Variants in TNIP3 observed in about 807,000 individuals in gnomAD.
TNIP3 encodes the protein TNFAIP3-interacting protein 3.
TNIP3 carries 34 observed loss-of-function variants against 54.1 expected under a neutral mutation model. The ratio of observed to expected loss-of-function variants is 0.63; its 90% CI spans 0.48 to 0.84. TNIP3 has a LOEUF of 0.84. Among genes scored for constraint, TNIP3 ranks in the 40% least tolerant of loss-of-function variants. The pLI is 0.00. For missense variants in TNIP3, 366 were observed against 387.6 expected, an observed-to-expected ratio of 0.94 and a Z score of 0.47; for synonymous variants, 134 against 136.8, an observed-to-expected ratio of 0.98 and a Z score of 0.14.
chr4:121,137,989 A>T (rs1270152229), intron 10 of TNIP3: 1 of 456,204 alleles, frequency 2.2e-6, no homozygotes, highest in Non-Finnish European at 4.4e-6. Context: ...AGACCATAGA[A>T]ACAAGCAGTA....
intron 2 of TNIP3, among the ~76,000 whole-genome samples, chr4:121,193,982 A>C (rs1172062710): frequency 7.9e-5 from 12 of 152,174 alleles, no homozygotes; most frequent in Admixed American, 7.9e-4. Context: ...CCCAGATTGT[A>C]AGAGAATAAA....
chr4:121,142,420 T>C (rs902967086), intron 8 of TNIP3, among the ~76,000 whole-genome samples: 6 of 152,304 alleles, frequency 3.9e-5, no homozygotes, highest in South Asian at 2.1e-4. Flanking sequence ...TTTTCTACTG[T>C]TAATTGTGTC....
chr4:121,221,910 TTTC>T (rs1560702057), intron 1 of TNIP3, among the ~76,000 whole-genome samples: 1 of 152,176 alleles, frequency 6.6e-6, no homozygotes, highest in Non-Finnish European at 1.5e-5. Flanking sequence ...AACACCTGCA[TTTC>T]TTCTTCATGC....
At chr4:121,146,021 T>C (rs1729411929) in intron 7 of TNIP3, among the ~76,000 whole-genome samples, 1 of 151,538 alleles carries the variant, frequency 6.6e-6, no homozygotes, top group Non-Finnish European at 1.5e-5. Context: ...TATATACTCT[T>C]TTTTTTTACC....
intron 3 of TNIP3, among the ~76,000 whole-genome samples, chr4:121,171,544 A>G (rs918942284): frequency 2.6e-5 from 4 of 152,222 alleles, no homozygotes; most frequent in African/African-American, 9.6e-5. Context: ...TATACCAAGA[A>G]TAACCAATAA....
intron 7 of TNIP3, among the ~76,000 whole-genome samples, chr4:121,144,513 T>A (rs1053786927): frequency 3.9e-5 from 6 of 152,184 alleles, no homozygotes; most frequent in Non-Finnish European, 8.8e-5. Flanking sequence ...GTGATTCTCC[T>A]GCCTCAGCCT....
chr4:121,219,165 T>C (rs1418268880), upstream of TNIP3, among the ~76,000 whole-genome samples: 2 of 151,714 alleles, frequency 1.3e-5, no homozygotes, highest in Non-Finnish European at 2.9e-5. Context: ...ACACCATTGC[T>C]CTCCAGCCTG....
rs909344108 is a variant in TNIP3 at position 121,151,341 on chromosome 4, A to C, written c.493-1122T>G. 2.6e-5 allele frequency among the ~76,000 whole-genome samples: 4 copies of C among 152,192 alleles called. No individual in the cohort carries two copies. In the South Asian group the frequency reaches 8.3e-4, roughly 31 times the overall value. ...TGCATTACTATATAATATGGTCATA[A>C]AGGTAGGAAAAGAAAAGCAAATGTG... On this transcript the variant is annotated intron_variant, in intron 5 of 10. Transcript: ENST00000057513.
upstream of TNIP3, chr4:121,216,730 A>G: frequency 1.1e-6 from 1 of 901,124 alleles, no homozygotes; most frequent in South Asian, 1.9e-5. Flanking sequence ...ACACAGGCTC[A>G]GTGAGTTAAG....
chr4:121,195,843 C>T (rs6825601), intron 2 of TNIP3, among the ~76,000 whole-genome samples: 6,588 of 152,204 alleles, frequency 0.043, 473 homozygotes, highest in African/African-American at 0.15. Flanking sequence ...AGAACAAGGA[C>T]CAGCAGGGAG....
At chr4:121,143,568 C>A (rs1179956506) in intron 7 of TNIP3, among the ~76,000 whole-genome samples, 2 of 152,188 alleles carry the variant, frequency 1.3e-5, no homozygotes, top group Admixed American at 1.3e-4. Flanking sequence ...GTACTATTTA[C>A]AGGCAATTCT....
chr4:121,227,126 G>A (rs908123152), intron 1 of TNIP3, among the ~76,000 whole-genome samples: 1 of 151,860 alleles, frequency 6.6e-6, no homozygotes, highest in Non-Finnish European at 1.5e-5. Flanking sequence ...TGCACAAAGG[G>A]GCTAACTAAC....
intron 2 of TNIP3, among the ~76,000 whole-genome samples, chr4:121,195,191 A>AT (rs772818392): frequency 1.1e-4 from 17 of 151,994 alleles, no homozygotes; most frequent in Non-Finnish European, 1.8e-4. Flanking sequence ...AAACTTCTTA[A>AT]TTAAGTCAAT....
At chr4:121,211,283 G>A (rs1303016541) in intron 2 of TNIP3, among the ~76,000 whole-genome samples, 2 of 152,050 alleles carry the variant, frequency 1.3e-5, no homozygotes, top group Non-Finnish European at 2.9e-5. Context: ...ATAAATACTA[G>A]CAAATGATAT....
intron 2 of TNIP3, among the ~76,000 whole-genome samples, chr4:121,202,516 T>C (rs190042504): frequency 1.3e-5 from 2 of 152,254 alleles, no homozygotes; most frequent in Admixed American, 6.5e-5. Context: ...TTTCTAGACA[T>C]TGGCTTAGGT....
intron 3 of TNIP3, among the ~76,000 whole-genome samples, chr4:121,178,152 T>A (rs977392942): frequency 2.6e-5 from 4 of 152,152 alleles, no homozygotes; most frequent in African/African-American, 7.2e-5. Flanking sequence ...TACAGGGCAA[T>A]TGTTTTCATT....
intron 2 of TNIP3, 27 bp downstream of exon 2, chr4:121,161,109 T>A (rs1226892184): frequency 6.6e-7 from 1 of 1,507,648 alleles, no homozygotes; most frequent in African/African-American, 1.4e-5. Flanking sequence ...ATGGCACCTG[T>A]GGCTTTAGCG....
chr4:121,182,648 G>T (rs1163986680), intron 3 of TNIP3: 1 of 1,532,998 alleles, frequency 6.5e-7, no homozygotes, highest in East Asian at 2.4e-5. Context: ...GGTACATCGA[G>T]ATAAGGAGAA....
intron 10 of TNIP3, 111 bp from the exon 11 acceptor site, chr4:121,132,773 A>G: frequency 1.1e-6 from 1 of 870,126 alleles, no homozygotes; most frequent in Non-Finnish European, 1.8e-6. Context: ...AAAAAAAGTT[A>G]TGTTATATTC....
Sources: gnomAD v4.1 joint callset for allele counts (sites outside exome capture counted in the v4.1 genomes callset) on GRCh38, gnomAD v4.1.1 for gene constraint, MANE v1.5 for transcripts, NCBI Gene and HGNC (gene_info 2026-07-23, HGNC 2026-07-21) for gene names.